The following NIBAN1 variants were observed in gnomAD, a reference collection of about 807,000 sequenced individuals.
NIBAN1 encodes the protein niban apoptosis regulator 1, also known as protein Niban 1.
In NIBAN1, 81 loss-of-function variants were observed where a neutral mutation model predicts 75.1. The observed-to-expected ratio is 1.08, with a 90% confidence interval of 0.90 to 1.30. The LOEUF (loss-of-function observed/expected upper bound fraction) is 1.30. Among genes scored for constraint, NIBAN1 ranks in the 50% most tolerant of loss-of-function variants. NIBAN1 has a pLI of 0.00. For missense variants in NIBAN1, 1,133 were observed against 1,128.1 expected (o/e 1.00, Z -0.06); for synonymous variants, 436 against 424.8 (o/e 1.03, Z -0.32).
chr1:184,817,876 C>T (rs938110497), intron 9 of NIBAN1, among the ~76,000 whole-genome samples: 2 of 152,224 alleles, frequency 1.3e-5, no homozygotes, highest in Non-Finnish European at 2.9e-5. Context: ...ATCCCAGCGG[C>T]CATACTTCAA....
In NIBAN1 at chr1:184,791,879, T is replaced by C. The variant is rs974304416; in HGVS notation, c.*3098A>G. 1.3e-5 allele frequency: 2 copies of C among 152,110 alleles called. No homozygotes were observed. The highest frequency in any genetic ancestry group is 2.9e-5 in the Non-Finnish European group (2 of 68,004). 9.4% of individuals were successfully genotyped at this position (152,110 alleles called of 1,614,324 possible). ...AGTTATTCCATTCAACATGTTAAAA[T>C]GAAGACAGAGTATTTTAAATGCACT... is the stretch of plus-strand genomic sequence containing the variant. On this transcript the variant is annotated 3_prime_UTR_variant, in exon 14 of 14. Coordinates refer to ENST00000367511, the MANE Select transcript of NIBAN1 (RefSeq NM_052966.4).
At chr1:184,797,746 C>A (rs543374301) in intron 13 of NIBAN1, among the ~76,000 whole-genome samples, 1 of 152,224 alleles carries the variant, frequency 6.6e-6, no homozygotes, top group African/African-American at 2.4e-5. Flanking sequence ...AGGAAGACAG[C>A]TCTTCATGAG....
chr1:184,952,191 A>C (rs1317329521), intron 1 of NIBAN1, among the ~76,000 whole-genome samples: 1 of 152,190 alleles, frequency 6.6e-6, no homozygotes, highest in Non-Finnish European at 1.5e-5. Flanking sequence ...CTTGAGTCCA[A>C]GAGTTTAAGA....
chr1:184,936,035 A>C (rs1051438332), intron 1 of NIBAN1, among the ~76,000 whole-genome samples: 2 of 151,938 alleles, frequency 1.3e-5, no homozygotes, highest in Non-Finnish European at 2.9e-5. Flanking sequence ...AAAAAAAAAA[A>C]ACAGGGGAAA....
chr1:184,824,282 G>A (rs1654785446), intron 6 of NIBAN1, among the ~76,000 whole-genome samples: 1 of 152,156 alleles, frequency 6.6e-6, no homozygotes, highest in South Asian at 2.1e-4. Context: ...GAAGGGAGGA[G>A]CAGTGTGAAG....
In NIBAN1 at chr1:184,963,288, G is replaced by A. The variant is rs1658698334; in HGVS notation, c.55+11014C>T. ...ATTTTAAGCAACTTAACGAAAAGGGGGGAGTATCCTTAAGCTAAACCATAA... is the reference window on the plus strand; with the variant it reads ...ATTTTAAGCAACTTAACGAAAAGGGAGGAGTATCCTTAAGCTAAACCATAA... On this transcript the variant is annotated intron_variant, in intron 1 of 13. Coordinates refer to ENST00000367511, the MANE Select transcript of NIBAN1 (RefSeq NM_052966.4). 3.3e-5 allele frequency among the ~76,000 whole-genome samples: 5 copies of A among 152,000 alleles called. No homozygotes were observed. The South Asian group carries it at 1.0e-3, about 32-fold the overall frequency.
chr1:184,806,139 G>C (rs563744347), intron 10 of NIBAN1, 83 bp from the exon 11 acceptor site: 287 of 1,066,480 alleles, frequency 2.7e-4, no homozygotes, highest in Middle Eastern at 1.1e-3. Context: ...TGGGACTGCA[G>C]AGTAGGGGCC....
intron 5 of NIBAN1, among the ~76,000 whole-genome samples, chr1:184,855,323 C>T (rs591890): frequency 0.58 from 88,876 of 151,968 alleles, 27,031 homozygotes; most frequent in African/African-American, 0.76. Context: ...GCATCCTTAG[C>T]AGCTGGGCAT....
chr1:184,795,830 G>A lies in NIBAN1; in HGVS notation c.1934C>T (p.Pro645Leu), dbSNP rs113421773. 83 of 1,609,430 alleles carry A rather than the reference G, an allele frequency of 5.2e-5. No individual in the cohort carries two copies. In the African/African-American group the frequency reaches 5.5e-4, roughly 11 times the overall value. Reference protein sequence around the residue: ...AKGESLSLPGPSPPPDGTEQV... With the variant: ...AKGESLSLPGLSPPPDGTEQV... ...CTCAGTCCCATCTGGGGGTGGGCTTGGCCCAGGGAGAGAAAGGCTTTCTCC... is the reference window on the plus strand; with the variant it reads ...CTCAGTCCCATCTGGGGGTGGGCTTAGCCCAGGGAGAGAAAGGCTTTCTCC... Residue 645 changes from proline (P) to leucine (L), a missense_variant, in exon 14 of 14, where the codon CCA (proline) becomes CTA (leucine). By Grantham distance (98) the Pro-to-Leu change is moderately conservative (BLOSUM62 -3). Transcript: ENST00000367511.
chr1:184,809,618 T>C (rs1018877101), intron 9 of NIBAN1, among the ~76,000 whole-genome samples: 2 of 150,048 alleles, frequency 1.3e-5, no homozygotes, highest in African/African-American at 2.5e-5. Flanking sequence ...TATATATATA[T>C]ATACACATAT....
chr1:184,943,310 A>G (rs1658142497), intron 1 of NIBAN1, among the ~76,000 whole-genome samples: 1 of 147,254 alleles, frequency 6.8e-6, no homozygotes, highest in South Asian at 2.1e-4. Context: ...AAAGTAAAGA[A>G]AAGAGACTAC....
chr1:184,826,617 C>G (rs535968651), intron 6 of NIBAN1, among the ~76,000 whole-genome samples: 1 of 152,112 alleles, frequency 6.6e-6, no homozygotes, highest in Admixed American at 6.5e-5. Context: ...TAAGAATTGT[C>G]CCAATTCATC....
At chr1:184,818,595 C>A (rs1209481727) in intron 9 of NIBAN1, 43 bp downstream of exon 9, 4 of 1,503,426 alleles carry the variant, frequency 2.7e-6, no homozygotes, top group Non-Finnish European at 3.6e-6. Flanking sequence ...AAAACACAGC[C>A]AGGCAGACCA....
chr1:184,873,432 C>A (rs969613517), intron 5 of NIBAN1, among the ~76,000 whole-genome samples: 2 of 152,190 alleles, frequency 1.3e-5, no homozygotes, highest in African/African-American at 2.4e-5. Context: ...AGCTCCCCGC[C>A]CTTGTCCTTT....
chr1:184,831,583 TC>T (rs1655000920), intron 6 of NIBAN1, among the ~76,000 whole-genome samples: 1 of 152,176 alleles, frequency 6.6e-6, no homozygotes, highest in Non-Finnish European at 1.5e-5. Flanking sequence ...GTAATTCTTT[TC>T]ATAGAAAACA....
intron 1 of NIBAN1, among the ~76,000 whole-genome samples, chr1:184,923,958 GTT>G (rs34375473): frequency 1.4e-5 from 2 of 140,232 alleles, no homozygotes. Flanking sequence ...AGTTCTAATA[GTT>G]TTTTTTTTTT....
At chr1:184,925,627 T>C (rs1355991543) in intron 1 of NIBAN1, among the ~76,000 whole-genome samples, 1 of 152,152 alleles carries the variant, frequency 6.6e-6, no homozygotes, top group Non-Finnish European at 1.5e-5. Context: ...TAATATCTTA[T>C]AACCCATTAT....
intron 1 of NIBAN1, among the ~76,000 whole-genome samples, chr1:184,966,988 A>C (rs1211195714): frequency 6.6e-6 from 1 of 152,218 alleles, no homozygotes; most frequent in Non-Finnish European, 1.5e-5. Context: ...GCAAAAGTGA[A>C]TTAATTGCTT....
chr1:184,933,074 A>T (rs1482032476), intron 1 of NIBAN1, among the ~76,000 whole-genome samples: 1 of 152,228 alleles, frequency 6.6e-6, no homozygotes, highest in East Asian at 1.9e-4. Context: ...CAATGAAAGC[A>T]CTTTCAATAC....
Sources: gnomAD v4.1 joint callset for allele counts (sites outside exome capture counted in the v4.1 genomes callset) on GRCh38, gnomAD v4.1.1 for gene constraint, MANE v1.5 for transcripts, NCBI Gene and HGNC (gene_info 2026-07-23, HGNC 2026-07-21) for gene names.